Variants in ADGRV1 observed in about 807,000 individuals in gnomAD.
The protein encoded by ADGRV1 is G-protein coupled receptor 98.
ADGRV1 carries 359 observed loss-of-function variants against 596.2 expected under a neutral mutation model. The ratio of observed to expected loss-of-function variants is 0.60; its 90% CI spans 0.55 to 0.66. The LOEUF (loss-of-function observed/expected upper bound fraction) is 0.66. ADGRV1 is among the 30% of genes least tolerant of loss of function. The pLI is 0.00. For synonymous variants in ADGRV1, 2,681 were observed against 2,679.2 expected (o/e 1.00, Z -0.02); for missense variants, 7,274 against 7,575.6 (o/e 0.96, Z 1.48).
intron 84 of ADGRV1, among the ~76,000 whole-genome samples, chr5:90,976,478 A>G (rs1461076745): frequency 6.6e-6 from 1 of 151,426 alleles, no homozygotes; most frequent in Non-Finnish European, 1.5e-5. Context: ...TTTTTTGGGT[A>G]TTGTGTTACT....
At chr5:90,933,544 A>G (rs546106012) in intron 83 of ADGRV1, among the ~76,000 whole-genome samples, 74 of 152,338 alleles carry the variant, frequency 4.9e-4, no homozygotes, top group African/African-American at 1.7e-3. Context: ...GAGATGTGCC[A>G]GGACCTAGTA....
At position 90,657,979 on chromosome 5, in the gene ADGRV1, T is replaced by G. The variant is rs769300605; in HGVS notation, c.4453T>G (p.Ser1485Ala). 1.9e-6 allele frequency: 3 copies of G among 1,613,822 alleles called. No individual in the cohort carries two copies. The highest frequency in any genetic ancestry group is 2.2e-5 in the East Asian group (1 of 44,872). Residue 1485 changes from serine to alanine, a missense_variant, in exon 21 of 90, where the codon TCC becomes GCC. Ser to Ala is a moderately conservative substitution (Grantham distance 99, BLOSUM62 1). Transcript: ENST00000405460. The part of the protein sequence containing the change: ...RFTGLMQDVR[S>A]YERKLTLEEI... ...TACAGGTCTGATGCAGGATGTGAGG[T>G]CCTATGAGCGGAAACTGACGCTTGA...
Position 90,781,506 on chromosome 5 carries a change from C to A in ADGRV1, c.13159C>A (p.Arg4387Ser). 1 of 1,610,732 alleles carries A rather than the reference C, an allele frequency of 6.2e-7. No homozygotes were observed. The highest frequency in any genetic ancestry group is 8.5e-7 in the Non-Finnish European group (1 of 1,178,138). Residue 4387 changes from arginine (R) to serine (S), a missense_variant, in exon 65 of 90, where the codon CGC becomes AGC. Transcript: ENST00000405460. ...TGAAATAGGAAACATCTCCATTGTT[C>A]GCATCATAATAATGAAAAATGATAA... is the stretch of plus-strand genomic sequence containing the variant. ...PPEIGNISIV[R>S]IIIMKNDNAE... is the part of the protein sequence containing the mutation.
intron 83 of ADGRV1, among the ~76,000 whole-genome samples, chr5:90,874,144 CTCA>C (rs1768986100): frequency 6.6e-6 from 1 of 152,164 alleles, no homozygotes; most frequent in Non-Finnish European, 1.5e-5. Context: ...ATTCTCTGAT[CTCA>C]TCTTCTACCA....
At chr5:90,574,341 G>A (rs1352544159) in intron 1 of ADGRV1, among the ~76,000 whole-genome samples, 1 of 151,892 alleles carries the variant, frequency 6.6e-6, no homozygotes, top group Non-Finnish European at 1.5e-5. Context: ...GTAATGTTTT[G>A]TAGTTCCCCT....
intron 86 of ADGRV1, among the ~76,000 whole-genome samples, chr5:91,093,131 C>G (rs527515550): frequency 6.6e-6 from 1 of 152,302 alleles, no homozygotes; most frequent in Admixed American, 6.5e-5. Flanking sequence ...CTACAATTAT[C>G]CTTTATTTTT....
intron 21 of ADGRV1, among the ~76,000 whole-genome samples, chr5:90,664,488 G>T (rs1361625735): frequency 6.7e-6 from 1 of 148,658 alleles, no homozygotes; most frequent in Non-Finnish European, 1.5e-5. Context: ...TGCTGAAGTT[G>T]CTTATCAGCT....
intron 1 of ADGRV1, chr5:90,614,632 A>T: frequency 1.6e-6 from 1 of 620,828 alleles, no homozygotes; most frequent in African/African-American, 1.8e-5. Flanking sequence ...TGAATAGTAG[A>T]AAGAGAACCG....
chr5:90,754,207 G>A (rs1755578657), intron 54 of ADGRV1, among the ~76,000 whole-genome samples: 1 of 152,130 alleles, frequency 6.6e-6, no homozygotes, highest in Non-Finnish European at 1.5e-5. Context: ...ACAATGAAAT[G>A]TGTACATGGC....
intron 1 of ADGRV1, among the ~76,000 whole-genome samples, chr5:90,581,550 C>T (rs920292259): frequency 6.6e-6 from 1 of 152,150 alleles, no homozygotes; most frequent in South Asian, 2.1e-4. Flanking sequence ...GCTGGAGGTC[C>T]ACTCCAGACC....
chr5:90,779,184 T>C (rs1758586174), intron 64 of ADGRV1, 87 bp downstream of exon 64: 1 of 699,648 alleles, frequency 1.4e-6, no homozygotes, highest in Non-Finnish European at 2.4e-6. Flanking sequence ...AATACTGAGC[T>C]CTAAAGCAGT....
chr5:90,626,376 T>A (rs1478843403), intron 6 of ADGRV1: 1 of 152,182 alleles, frequency 6.6e-6, no homozygotes, highest in Non-Finnish European at 1.5e-5. Flanking sequence ...TTTGGGGAGA[T>A]GATTAATTAT....
At chr5:91,007,674 G>A (rs1003982636) in intron 85 of ADGRV1, among the ~76,000 whole-genome samples, 2 of 152,110 alleles carry the variant, frequency 1.3e-5, no homozygotes, top group African/African-American at 2.4e-5. Flanking sequence ...GAGCCGTATC[G>A]CAAGTGAAAA....
intron 83 of ADGRV1, among the ~76,000 whole-genome samples, chr5:90,912,830 G>T (rs1208806950): frequency 6.6e-6 from 1 of 152,094 alleles, no homozygotes; most frequent in Non-Finnish European, 1.5e-5. Flanking sequence ...TGACAGGCAC[G>T]TAGGTTGATT....
intron 67 of ADGRV1, 105 bp from the exon 68 acceptor site, chr5:90,787,966 T>G: frequency 1.5e-6 from 1 of 666,578 alleles, no homozygotes; most frequent in Non-Finnish European, 2.3e-6. Flanking sequence ...TAGAATAATT[T>G]TCCTATATGT....
chr5:90,863,667 A>C (rs1344038468), intron 82 of ADGRV1, 90 bp from the exon 83 acceptor site: 2 of 930,326 alleles, frequency 2.1e-6, no homozygotes, highest in African/African-American at 3.2e-5. Flanking sequence ...CAGACCTGAC[A>C]TGCCTAGCTG....
intron 85 of ADGRV1, among the ~76,000 whole-genome samples, chr5:91,040,820 C>A (rs1288278579): frequency 6.6e-6 from 1 of 152,132 alleles, no homozygotes; most frequent in Non-Finnish European, 1.5e-5. Flanking sequence ...ATAAGTTATA[C>A]TGAATACAAA....
intron 70 of ADGRV1, among the ~76,000 whole-genome samples, chr5:90,797,223 G>T (rs956015553): frequency 6.9e-6 from 1 of 144,864 alleles, no homozygotes; most frequent in Admixed American, 7.0e-5. Flanking sequence ...CCCATCTCAT[G>T]TGCAGAGACA....
At chr5:90,891,662 A>T (rs951933083) in intron 83 of ADGRV1, among the ~76,000 whole-genome samples, 5 of 151,918 alleles carry the variant, frequency 3.3e-5, no homozygotes, top group African/African-American at 1.2e-4. Flanking sequence ...AATTAATTAG[A>T]TCAATAAAAT....
Sources: allele counts gnomAD v4.1 joint callset (sites outside exome capture counted in the v4.1 genomes callset), GRCh38; gene constraint gnomAD v4.1.1; transcripts MANE v1.5; gene names NCBI Gene and HGNC (gene_info 2026-07-23, HGNC 2026-07-21).